CLHC1: variants seen among roughly 807,000 people sequenced by gnomAD.
CLHC1 encodes clathrin heavy chain linker domain containing 1.
In CLHC1, 72 loss-of-function variants were observed where a neutral mutation model predicts 69.5. The observed-to-expected ratio is 1.04, with a 90% CI of 0.86 to 1.26. CLHC1 has a LOEUF of 1.26. Among genes scored for constraint, CLHC1 ranks in the 50% most tolerant of loss-of-function variants. The probability of loss-of-function intolerance (pLI) is 0.00; values close to 1 mark genes in which losing one functional copy is unlikely to be tolerated. For synonymous variants in CLHC1, 223 were observed against 224.3 expected (o/e 0.99, Z 0.05); for missense variants, 790 against 679.3 (o/e 1.16, Z -1.81).
intron 12 of CLHC1, among the ~76,000 whole-genome samples, chr2:55,177,261 C>T (rs1253328485): frequency 1.3e-5 from 2 of 152,100 alleles, no homozygotes; most frequent in African/African-American, 2.4e-5. Flanking sequence ...GGAATTAAAA[C>T]ATATAGTTTA....
rs76667625 is a variant in CLHC1 at position 55,197,343 on chromosome 2, A to C, written c.1006+8927T>G. ...TTGATTGTAGAGCCCTAGGGCCTTCAGCAAATGTAGGAGGTAGCCATGTAG... is the reference window on the plus strand; with the variant it reads ...TTGATTGTAGAGCCCTAGGGCCTTCCGCAAATGTAGGAGGTAGCCATGTAG... On this transcript the variant is annotated intron_variant, in intron 9 of 12. Transcript: ENST00000401408. Among the ~76,000 whole-genome samples, 1,112 of 152,326 alleles carry C rather than the reference A, an allele frequency of 7.3e-3. 17 individuals are homozygous for C. The highest frequency in any genetic ancestry group is 0.012 in the Non-Finnish European group (837 of 68,022).
chr2:55,224,552 G>A (rs1204526128), intron 2 of CLHC1: 1 of 283,772 alleles, frequency 3.5e-6, no homozygotes, highest in Non-Finnish European at 7.2e-6. Context: ...TCTGCCACAG[G>A]GCGACATGCA....
intron 9 of CLHC1, among the ~76,000 whole-genome samples, chr2:55,183,973 G>A (rs973949977): frequency 6.6e-6 from 1 of 152,114 alleles, no homozygotes; most frequent in East Asian, 1.9e-4. Context: ...TAGAGACAGG[G>A]TGTCACCATG....
At chr2:55,209,342 ACTAG>A (rs1672756650) in intron 7 of CLHC1, 58 bp downstream of exon 7, 1 of 992,948 alleles carries the variant, frequency 1.0e-6, no homozygotes, top group East Asian at 2.4e-5. Flanking sequence ...CCCCATTCTA[ACTAG>A]CTAGCGAAAA....
intron 6 of CLHC1, 23 bp from the exon 7 acceptor site, chr2:55,209,539 T>C (rs1461227012): frequency 3.8e-6 from 6 of 1,580,990 alleles, no homozygotes; most frequent in Non-Finnish European, 3.5e-6. Flanking sequence ...AAAACGTCAA[T>C]AACACACTGA....
At chr2:55,190,900 T>C (rs977238310) in intron 9 of CLHC1, among the ~76,000 whole-genome samples, 2 of 151,362 alleles carry the variant, frequency 1.3e-5, no homozygotes, top group African/African-American at 4.9e-5. Context: ...ATAAGAAGCA[T>C]GAAAATAAAA....
Position 55,172,787 on chromosome 2 carries a change from A to T in CLHC1, c.*3003T>A, listed in dbSNP as rs1669067212. ...ACAGAATTCCAGGCACCTAAAAAGTAACAGGTTTTCACCTTTTAAAGTTAA... is the reference window on the plus strand; with the variant it reads ...ACAGAATTCCAGGCACCTAAAAAGTTACAGGTTTTCACCTTTTAAAGTTAA... On this transcript the variant is annotated 3_prime_UTR_variant, in exon 13 of 13. Coordinates refer to ENST00000401408, the MANE Select transcript of CLHC1 (RefSeq NM_152385.4). Among the ~76,000 whole-genome samples, 9 of 152,006 alleles carry T rather than the reference A, an allele frequency of 5.9e-5. No homozygotes were observed. The highest frequency in any genetic ancestry group is 5.9e-4 in the Admixed American group (9 of 15,268).
At chr2:55,212,831 T>C (rs748576440) in intron 4 of CLHC1, 25 bp from the exon 5 acceptor site, 23 of 1,536,548 alleles carry the variant, frequency 1.5e-5, no homozygotes, top group Non-Finnish European at 1.7e-5. Flanking sequence ...GGCTTTCTTA[T>C]GTCTTTCAAC....
intron 11 of CLHC1, among the ~76,000 whole-genome samples, chr2:55,179,883 G>C (rs560885282): frequency 1.3e-5 from 2 of 152,028 alleles, no homozygotes; most frequent in African/African-American, 2.4e-5. Context: ...GGCTGGGTGC[G>C]GTGGCTCACA....
chr2:55,177,063 C>G (rs965215458), intron 12 of CLHC1, among the ~76,000 whole-genome samples: 1 of 151,984 alleles, frequency 6.6e-6, no homozygotes, highest in East Asian at 1.9e-4. Context: ...CATAGAGACA[C>G]GGTTTTGCCA....
chr2:55,206,033 A>C (rs1672408407), intron 9 of CLHC1, among the ~76,000 whole-genome samples: 1 of 152,242 alleles, frequency 6.6e-6, no homozygotes, highest in Non-Finnish European at 1.5e-5. Context: ...AAATCTTGAT[A>C]GTGAGTACAT....
chr2:55,199,103 C>T (rs1269596796), intron 9 of CLHC1, among the ~76,000 whole-genome samples: 1 of 151,730 alleles, frequency 6.6e-6, no homozygotes, highest in Non-Finnish European at 1.5e-5. Flanking sequence ...TCACAACCAG[C>T]CTGGGCAACA....
intron 9 of CLHC1, among the ~76,000 whole-genome samples, chr2:55,192,067 A>G (rs1670984041): frequency 6.6e-6 from 1 of 152,114 alleles, no homozygotes; most frequent in Non-Finnish European, 1.5e-5. Flanking sequence ...TTAAATGTAA[A>G]TAATCTAAGC....
At chr2:55,213,462 C>T (rs1032667013) in intron 4 of CLHC1, among the ~76,000 whole-genome samples, 3 of 152,334 alleles carry the variant, frequency 2.0e-5, no homozygotes, top group Non-Finnish European at 2.9e-5. Flanking sequence ...TTAATCACAT[C>T]TGCAAAGACC....
At chr2:55,190,926 C>T (rs1405920123) in intron 9 of CLHC1, among the ~76,000 whole-genome samples, 2 of 151,832 alleles carry the variant, frequency 1.3e-5, no homozygotes, top group Non-Finnish European at 2.9e-5. Flanking sequence ...CTAACACTCA[C>T]AATCAAAGTG....
chr2:55,192,253 G>A (rs1294388272), intron 9 of CLHC1, among the ~76,000 whole-genome samples: 1 of 151,920 alleles, frequency 6.6e-6, no homozygotes, highest in Non-Finnish European at 1.5e-5. Flanking sequence ...CCGAATACCT[G>A]GGATTACAGG....
rs775098111 is a variant in CLHC1, at chr2:55,181,678, C to CT, written c.1072dup (p.Ser358LysfsTer9). 6.2e-7 allele frequency: 1 copy of CT among 1,613,876 alleles called. No individual in the cohort carries two copies. Among genetic ancestry groups the CT allele is most frequent in the Non-Finnish European group, 8.5e-7 (1 of 1,179,872 alleles). On this transcript the variant is annotated frameshift_variant, in exon 10 of 13. Transcript: ENST00000401408. LOFTEE classifies it high-confidence loss of function. ...ATCAACAGGACATGGAAAAGCATGA[C>CT]TTGTGATAAAGAGGGCCTCAAAAAA...
intron 1 of CLHC1, among the ~76,000 whole-genome samples, chr2:55,228,815 T>C (rs368649500): frequency 1.8e-4 from 28 of 152,214 alleles, no homozygotes; most frequent in African/African-American, 6.7e-4. Flanking sequence ...AAGTCCCTAA[T>C]CTCACAAAGG....
rs150622902 is a variant in CLHC1, at chr2:55,206,377, C to CT, written c.900-2dup. 354 of 1,534,252 alleles carry CT rather than the reference C, an allele frequency of 2.3e-4. 3 individuals are homozygous for CT. In the East Asian group the frequency reaches 7.5e-3, roughly 33 times the overall value. Reference sequence around the variant, plus strand: ...ACCAAGTGAGATTAACTCATTAAACCTATAGCCATCACATTTTAAAATGCA... The same window carrying CT: ...ACCAAGTGAGATTAACTCATTAAACCTTATAGCCATCACATTTTAAAATGCA... On this transcript the variant is annotated splice_acceptor_variant, in intron 8 of 12. Transcript: ENST00000401408. LOFTEE classifies it high-confidence loss of function.
Sources: gnomAD v4.1 joint callset for allele counts (sites outside exome capture counted in the v4.1 genomes callset) on GRCh38, gnomAD v4.1.1 for gene constraint, MANE v1.5 for transcripts, NCBI Gene and HGNC (gene_info 2026-07-23, HGNC 2026-07-21) for gene names.